CSNK1A1: variants seen among roughly 807,000 people sequenced by gnomAD.
CSNK1A1 encodes the protein casein kinase 1 alpha 1, also known as casein kinase I isoform alpha.
Under a neutral mutation model 46.1 loss-of-function variants are expected in CSNK1A1, and 7 were observed. That is an observed-to-expected ratio of 0.15 (90% CI 0.09 to 0.29). The LOEUF (loss-of-function observed/expected upper bound fraction) is 0.29, where lower values mean the gene tolerates loss of function less well. Ranked by LOEUF, CSNK1A1 falls within the 10% of genes least tolerant of loss-of-function variation. CSNK1A1 has a pLI of 1.00. For synonymous variants in CSNK1A1, 137 were observed against 141.5 expected (o/e 0.97, Z 0.23); for missense variants, 96 against 417.1 (o/e 0.23, Z 6.71).
Position 149,528,036 on chromosome 5 carries a change from A to G in CSNK1A1, c.231-2865T>C, listed in dbSNP as rs566065730. Among the ~76,000 whole-genome samples the G allele has an allele frequency of 2.0e-5, 3 of 152,344 alleles. No individual in the cohort carries two copies. In the South Asian group the frequency reaches 6.2e-4, roughly 32 times the overall value. On this transcript the variant is annotated intron_variant, in intron 2 of 9. Coordinates refer to ENST00000377843, the MANE Select transcript of CSNK1A1 (RefSeq NM_001892.6). ...GACTTTATATTTTCATGCAATTAACATGATTTCATAAAGAAATCATCTGCA... is the reference window on the plus strand; with the variant it reads ...GACTTTATATTTTCATGCAATTAACGTGATTTCATAAAGAAATCATCTGCA...
At chr5:149,544,758 T>TATATATATACAC (rs150989849) in intron 2 of CSNK1A1, among the ~76,000 whole-genome samples, 1,384 of 129,248 alleles carry the variant, frequency 0.011, 27 homozygotes, top group East Asian at 0.017. Flanking sequence ...TATATATATA[T>TATATATATACAC]ATATATAGTT....
In CSNK1A1 at chr5:149,494,443, C is replaced by A. The variant is rs557829458; in HGVS notation, c.*2410G>T. 3 of 152,192 alleles carry A rather than the reference C, an allele frequency of 2.0e-5. No homozygotes were observed. Among genetic ancestry groups the A allele is most frequent in the South Asian group, 2.1e-4 (1 of 4,832 alleles). 9.4% of individuals were successfully genotyped at this position (152,192 alleles called of 1,614,324 possible). A position where few individuals can be genotyped will look rare whatever the true frequency, so the allele number is the denominator to read the frequency against. ...CAACATTTTAAAAAAACTGCACCCC[C>A]CAATGGGTGAACAAAGTAAAGAGTA... On this transcript the variant is annotated 3_prime_UTR_variant, in exon 10 of 10. Transcript: ENST00000377843.
rs1009880366 is a variant in CSNK1A1, at chr5:149,551,322, G to C, written c.-358C>G. On this transcript the variant is annotated 5_prime_UTR_variant, in exon 1 of 10. Transcript: ENST00000377843. ...CGCTGCCACCACTGCCGCCGGCTCC[G>C]GCCCAGAGGGACCCCTGTCACTCCG... 5.1e-5 allele frequency: 12 copies of C among 235,562 alleles called. No individual in the cohort carries two copies. The highest frequency in any genetic ancestry group is 9.4e-5 in the Non-Finnish European group (11 of 117,458). The allele number at this position is 235,562 out of a possible 1,614,324, so 14.6% of individuals were successfully genotyped here.
intron 8 of CSNK1A1, 80 bp from the exon 9 acceptor site, chr5:149,505,675 GAC>G: frequency 1.7e-6 from 2 of 1,176,040 alleles, no homozygotes; most frequent in Admixed American, 3.7e-5. Context: ...TTAAGACAGT[GAC>G]AGCATTTCTT....
intron 2 of CSNK1A1, chr5:149,549,536 A>G: frequency 1.4e-6 from 1 of 701,564 alleles, no homozygotes; most frequent in Non-Finnish European, 2.6e-6. Context: ...TCAAGGAAGC[A>G]TAATTTGTGA....
At chr5:149,534,341 G>A (rs1266579079) in intron 2 of CSNK1A1, among the ~76,000 whole-genome samples, 1 of 151,902 alleles carries the variant, frequency 6.6e-6, no homozygotes, top group African/African-American at 2.4e-5. Flanking sequence ...AATTAGCTGG[G>A]CGTGGTGGCG....
intron 2 of CSNK1A1, among the ~76,000 whole-genome samples, chr5:149,542,638 A>ATATATATG (rs1762309881): frequency 1.0e-3 from 13 of 12,886 alleles, no homozygotes; most frequent in African/African-American, 5.4e-3. Context: ...ATATATATAT[A>ATATATATG]TGTATATATA....
intron 2 of CSNK1A1, among the ~76,000 whole-genome samples, chr5:149,542,592 TTATATATATATATATATATATATATATA>T (rs1160379269): frequency 0.03 from 789 of 26,688 alleles, 69 homozygotes; most frequent in Non-Finnish European, 0.037. Context: ...AGATACAAAT[TTATATATATATATATATATATATATATA>T]TATATATATA....
intron 2 of CSNK1A1, among the ~76,000 whole-genome samples, chr5:149,530,050 AAT>A (rs1221867865): frequency 1.3e-5 from 2 of 152,206 alleles, no homozygotes; most frequent in African/African-American, 4.8e-5. Context: ...ACTTTACCCA[AAT>A]ATATGTTAGT....
chr5:149,505,168 G>C (rs1383683104), intron 9 of CSNK1A1: 1 of 1,081,888 alleles, frequency 9.2e-7, no homozygotes. Context: ...GAGTAAAAAA[G>C]ATGCAGTTGT....
intron 2 of CSNK1A1, chr5:149,529,560 A>T (rs1223213075): frequency 2.7e-6 from 1 of 368,682 alleles, no homozygotes; most frequent in African/African-American, 2.1e-5. Context: ...TCAGATCCTG[A>T]AGGATGAACA....
In CSNK1A1 at chr5:149,524,904, C is replaced by T. The variant is rs1042965066; in HGVS notation, c.357+141G>A. 8.5e-6 allele frequency: 6 copies of T among 709,178 alleles called. No individual in the cohort carries two copies. The African/African-American group carries it at 1.1e-4, about 13-fold the overall frequency. 43.9% of individuals were successfully genotyped at this position (709,178 alleles called of 1,614,324 possible). ...TCTTATTCCCATAGGAAAATATCTACAAGTCACATTATTATTTTTTTTCTG... is the reference window on the plus strand; with the variant it reads ...TCTTATTCCCATAGGAAAATATCTATAAGTCACATTATTATTTTTTTTCTG... On this transcript the variant is annotated intron_variant, in intron 3 of 9. Transcript: ENST00000377843.
intron 2 of CSNK1A1, chr5:149,545,449 A>C: frequency 1.9e-6 from 1 of 525,378 alleles, no homozygotes; most frequent in African/African-American, 1.9e-5. Flanking sequence ...CTGAAGCTGG[A>C]GCTGCAGCCT....
chr5:149,512,001 G>T (rs540181158), intron 5 of CSNK1A1, 129 bp from the exon 6 acceptor site: 3 of 650,128 alleles, frequency 4.6e-6, no homozygotes, highest in Non-Finnish European at 7.6e-6. Context: ...TACGCAAGAA[G>T]CTACTTATTT....
intron 2 of CSNK1A1, among the ~76,000 whole-genome samples, chr5:149,527,817 A>AG (rs1359335149): frequency 1.3e-5 from 2 of 152,188 alleles, no homozygotes; most frequent in Non-Finnish European, 2.9e-5. Flanking sequence ...GAAAGAGCTA[A>AG]GGAAGTAAGA....
At chr5:149,505,032 A>G in intron 9 of CSNK1A1, 1 of 986,964 alleles carries the variant, frequency 1.0e-6, no homozygotes. Context: ...GTTAGTCTGA[A>G]ATAAAGTCAA....
chr5:149,542,597 TA>T (rs1762274904), intron 2 of CSNK1A1, among the ~76,000 whole-genome samples: 1 of 3,256 alleles, frequency 3.1e-4, no homozygotes, highest in Non-Finnish European at 4.7e-4. Flanking sequence ...CAAATTTATA[TA>T]TATATATATA....
chr5:149,523,507 C>T (rs114621014), intron 3 of CSNK1A1, among the ~76,000 whole-genome samples: 64 of 152,334 alleles, frequency 4.2e-4, no homozygotes, highest in African/African-American at 1.2e-3. Context: ...GCCAGTGTGC[C>T]GCGCCACTTT....
At chr5:149,547,942 C>G (rs1340137668) in intron 2 of CSNK1A1, among the ~76,000 whole-genome samples, 1 of 152,032 alleles carries the variant, frequency 6.6e-6, no homozygotes, top group Non-Finnish European at 1.5e-5. Context: ...GCCATCTCAG[C>G]TTACTGCAAC....
Sources: allele counts gnomAD v4.1 joint callset (sites outside exome capture counted in the v4.1 genomes callset), GRCh38; gene constraint gnomAD v4.1.1; transcripts MANE v1.5; gene names NCBI Gene and HGNC (gene_info 2026-07-23, HGNC 2026-07-21).